The following FGF12 variants were observed in gnomAD, a reference collection of about 807,000 sequenced individuals.
The protein encoded by FGF12 is fibroblast growth factor 12.
A neutral mutation model predicts 23.6 loss-of-function variants in FGF12; 14 were observed. The ratio of observed to expected loss-of-function variants is 0.59; its 90% CI spans 0.39 to 0.93. The LOEUF (loss-of-function observed/expected upper bound fraction) is 0.93. Ranked by LOEUF, FGF12 falls within the 40% of genes least tolerant of loss-of-function variation. The probability of loss-of-function intolerance (pLI) is 0.00; values close to 1 mark genes in which losing one functional copy is unlikely to be tolerated. For missense variants in FGF12, 175 were observed against 217.8 expected (o/e 0.80, Z 1.24); for synonymous variants, 62 against 77.3 (o/e 0.80, Z 1.04).
intron 2 of FGF12, among the ~76,000 whole-genome samples, chr3:192,486,346 C>T (rs1466417871): frequency 6.6e-6 from 1 of 151,778 alleles, no homozygotes; most frequent in African/African-American, 2.4e-5. Context: ...TATGAATGGT[C>T]CTGTGGCAAA....
intron 2 of FGF12, among the ~76,000 whole-genome samples, chr3:192,363,817 T>C (rs2108736445): frequency 6.6e-6 from 1 of 152,348 alleles, no homozygotes; most frequent in Middle Eastern, 3.4e-3. Flanking sequence ...CTTTTCAGCA[T>C]ATCCAGCATC....
intron 2 of FGF12, among the ~76,000 whole-genome samples, chr3:192,491,077 G>T (rs1415513406): frequency 6.6e-6 from 1 of 152,104 alleles, no homozygotes; most frequent in African/African-American, 2.4e-5. Context: ...TCAGGCCAAA[G>T]AATTATCATT....
rs1366066122 is a variant in FGF12, at chr3:192,378,030, C to CTT, written c.14-17494_14-17493dup. On this transcript the variant is annotated intron_variant, in intron 2 of 5. Coordinates refer to ENST00000445105, the MANE Select transcript of FGF12 (RefSeq NM_004113.6). ...TCCCTTTCTTCTGACTCTTTCTTTT[C>CTT]TTTCTTTCTTTCTTTCTTTCTTTCT... Among the ~76,000 whole-genome samples, 21 of 59,546 alleles carry CTT rather than the reference C, an allele frequency of 3.5e-4. 2 individuals are homozygous for CTT. Among genetic ancestry groups the CTT allele is most frequent in the South Asian group, 2.0e-3 (3 of 1,510 alleles). 39.1% of individuals were successfully genotyped at this position (59,546 alleles called of 152,430 possible).
At chr3:192,598,791 A>G (rs1164736674) in intron 2 of FGF12, among the ~76,000 whole-genome samples, 1 of 152,200 alleles carries the variant, frequency 6.6e-6, no homozygotes, top group Non-Finnish European at 1.5e-5. Context: ...CAAAGAGTGG[A>G]GTGGATTAGC....
chr3:192,670,092 C>T (rs990714326), intron 2 of FGF12, among the ~76,000 whole-genome samples: 12 of 152,110 alleles, frequency 7.9e-5, no homozygotes, highest in Non-Finnish European at 1.6e-4. Context: ...ATATCCCATA[C>T]GAGGCTGGAT....
In FGF12 at chr3:192,651,835, T is replaced by G. The variant is rs1441422824; in HGVS notation, c.13+75346A>C. Among the ~76,000 whole-genome samples, 3 of 152,142 alleles carry G rather than the reference T, an allele frequency of 2.0e-5. No homozygotes were observed. The East Asian group carries it at 5.8e-4, about 29-fold the overall frequency. ...TTAGACAGAGGATGGGACAGAGAGG[T>G]TCAGTGTACTGCGTGAGGTCCAGCA... On this transcript the variant is annotated intron_variant, in intron 2 of 5. Coordinates refer to ENST00000445105, the MANE Select transcript of FGF12 (RefSeq NM_004113.6).
chr3:192,206,650 T>C (rs1334271810), intron 4 of FGF12, among the ~76,000 whole-genome samples: 2 of 152,224 alleles, frequency 1.3e-5, no homozygotes, highest in Non-Finnish European at 2.9e-5. Flanking sequence ...CCCACTCATA[T>C]TTTCGGGCAC....
chr3:192,680,668 G>A (rs1717494869), intron 2 of FGF12, among the ~76,000 whole-genome samples: 1 of 152,202 alleles, frequency 6.6e-6, no homozygotes, highest in Non-Finnish European at 1.5e-5. Flanking sequence ...TTCACAATGT[G>A]ACTTGCTTCC....
intron 4 of FGF12, among the ~76,000 whole-genome samples, chr3:192,330,343 A>G (rs1717042512): frequency 6.6e-6 from 1 of 152,158 alleles, no homozygotes; most frequent in African/African-American, 2.4e-5. Flanking sequence ...GTGGAAAACT[A>G]TGGTAATCGA....
At chr3:192,359,946 C>CATATAT (rs35037623) in intron 3 of FGF12, among the ~76,000 whole-genome samples, 131 of 149,118 alleles carry the variant, frequency 8.8e-4, no homozygotes, top group African/African-American at 3.2e-3. Context: ...CATAAAATAA[C>CATATAT]ATATATATAT....
At chr3:192,334,975 CA>C (rs1448968809) in intron 4 of FGF12, among the ~76,000 whole-genome samples, 1 of 152,076 alleles carries the variant, frequency 6.6e-6, no homozygotes, top group Non-Finnish European at 1.5e-5. Flanking sequence ...CATGGTAGGA[CA>C]GAGACTATTT....
intron 4 of FGF12, among the ~76,000 whole-genome samples, chr3:192,201,994 T>A (rs552488291): frequency 1.3e-4 from 20 of 152,204 alleles, no homozygotes; most frequent in Non-Finnish European, 2.9e-4. Flanking sequence ...ATCTCTTACA[T>A]ATGGATGTTT....
At chr3:192,416,091 T>C (rs1701722439) in intron 2 of FGF12, among the ~76,000 whole-genome samples, 1 of 152,104 alleles carries the variant, frequency 6.6e-6, no homozygotes, top group South Asian at 2.1e-4. Flanking sequence ...AAATTCATAT[T>C]TTTGTCCTCT....
chr3:192,658,026 C>A (rs1259618027), intron 2 of FGF12, among the ~76,000 whole-genome samples: 1 of 151,838 alleles, frequency 6.6e-6, no homozygotes, highest in African/African-American at 2.4e-5. Flanking sequence ...CAGAAAGGAC[C>A]TTTATCAGCA....
intron 4 of FGF12, among the ~76,000 whole-genome samples, chr3:192,239,862 G>C (rs897393646): frequency 2.0e-5 from 3 of 152,184 alleles, no homozygotes; most frequent in Non-Finnish European, 4.4e-5. Flanking sequence ...CTGCTAATGG[G>C]GTAACCCAAG....
At chr3:192,628,830 T>TAC (rs1329379347) in intron 2 of FGF12, among the ~76,000 whole-genome samples, 3 of 149,098 alleles carry the variant, frequency 2.0e-5, no homozygotes, top group South Asian at 2.1e-4. Context: ...TTAATATATA[T>TAC]ACACACACAC....
chr3:192,469,919 A>C (rs1339738967), intron 2 of FGF12, among the ~76,000 whole-genome samples: 1 of 152,254 alleles, frequency 6.6e-6, no homozygotes, highest in Non-Finnish European at 1.5e-5. Flanking sequence ...TATCTGTTTT[A>C]CAAAGCTATG....
chr3:192,451,713 T>C (rs1471140066), intron 2 of FGF12, among the ~76,000 whole-genome samples: 1 of 152,198 alleles, frequency 6.6e-6, no homozygotes, highest in Admixed American at 6.5e-5. Flanking sequence ...TTCTTAACAA[T>C]TTGTTTCTAA....
intron 2 of FGF12, among the ~76,000 whole-genome samples, chr3:192,587,805 G>T (rs1045007584): frequency 4.6e-5 from 7 of 151,968 alleles, no homozygotes; most frequent in African/African-American, 1.7e-4. Context: ...GGGTGACACA[G>T]GGAGACCCTC....
Sources: allele counts gnomAD v4.1 joint callset (sites outside exome capture counted in the v4.1 genomes callset), GRCh38; gene constraint gnomAD v4.1.1; transcripts MANE v1.5; gene names NCBI Gene and HGNC (gene_info 2026-07-23, HGNC 2026-07-21).